MAGI2: variants seen among roughly 807,000 people sequenced by gnomAD.
MAGI2 encodes the protein membrane associated guanylate kinase, WW and PDZ domain containing 2.
MAGI2 carries 35 observed loss-of-function variants against 133.3 expected under a neutral mutation model. The ratio of observed to expected loss-of-function variants is 0.26; its 90% CI spans 0.20 to 0.35. MAGI2 has a LOEUF of 0.35. Ranked by LOEUF, MAGI2 falls within the 10% of genes least tolerant of loss-of-function variation. MAGI2 has a pLI of 1.00. For missense variants in MAGI2, 1,636 were observed against 1,863.4 expected (o/e 0.88, Z 2.25); for synonymous variants, 729 against 710.6 (o/e 1.03, Z -0.41).
At chr7:78,259,568 C>G (rs1296448361) in intron 9 of MAGI2, among the ~76,000 whole-genome samples, 3 of 152,122 alleles carry the variant, frequency 2.0e-5, no homozygotes, top group Admixed American at 1.3e-4. Context: ...AAAATCAGGA[C>G]AGTTCTACCC....
At chr7:78,373,951 A>G (rs1480739062) in intron 6 of MAGI2, among the ~76,000 whole-genome samples, 1 of 152,202 alleles carries the variant, frequency 6.6e-6, no homozygotes, top group Non-Finnish European at 1.5e-5. Context: ...GTGGCTGCAT[A>G]GTATTCCATG....
At chr7:78,648,243 G>A (rs1037450239) in intron 2 of MAGI2, among the ~76,000 whole-genome samples, 3 of 152,134 alleles carry the variant, frequency 2.0e-5, no homozygotes, top group South Asian at 4.1e-4. Flanking sequence ...ATTCTGTCAT[G>A]GTTCCCAACA....
In MAGI2 at chr7:79,018,228, G is replaced by A. The variant is rs565477951; in HGVS notation, c.302-11022C>T. On this transcript the variant is annotated intron_variant, in intron 1 of 21. Coordinates refer to ENST00000354212, the MANE Select transcript of MAGI2 (RefSeq NM_012301.4). Reference sequence around the variant, plus strand: ...GTCATCAGAAACCCTACAAGCAGAAGAGATTGGGGGAATTCAGCATTCTTA... The same window carrying A: ...GTCATCAGAAACCCTACAAGCAGAAAAGATTGGGGGAATTCAGCATTCTTA... Among the ~76,000 whole-genome samples, 27 of 152,084 alleles carry A rather than the reference G, an allele frequency of 1.8e-4. No individual in the cohort carries two copies. In the South Asian group the frequency reaches 3.7e-3, roughly 21 times the overall value.
At chr7:78,914,053 A>C (rs1467957248) in intron 2 of MAGI2, among the ~76,000 whole-genome samples, 4 of 152,186 alleles carry the variant, frequency 2.6e-5, no homozygotes, top group African/African-American at 9.6e-5. Context: ...AGAAAATTTA[A>C]GCATTTTGTT....
chr7:78,897,681 G>A (rs530074657), intron 2 of MAGI2, among the ~76,000 whole-genome samples: 2 of 152,280 alleles, frequency 1.3e-5, no homozygotes, highest in African/African-American at 4.8e-5. Flanking sequence ...GCCACTGGTA[G>A]TTTAATAGGA....
rs1170154729 is a variant in MAGI2, at chr7:78,887,739, CA to C, written c.418+119350del. Among the ~76,000 whole-genome samples, 9 of 152,212 alleles carry C rather than the reference CA, an allele frequency of 5.9e-5. No individual in the cohort carries two copies. The East Asian group carries it at 1.7e-3, about 29-fold the overall frequency. On this transcript the variant is annotated intron_variant, in intron 2 of 21. Transcript: ENST00000354212. ...GACTTACAGAGCACTTTAGAATTTC[CA>C]AATCAGGGTTGAGCCAAGATGGCCG...
intron 1 of MAGI2, among the ~76,000 whole-genome samples, chr7:79,367,265 G>A (rs1400093666): frequency 1.3e-5 from 2 of 152,176 alleles, no homozygotes; most frequent in African/African-American, 2.4e-5. Flanking sequence ...TAAACTAATG[G>A]GGTACATGAC....
At position 79,423,045 on chromosome 7, in the gene MAGI2, T is replaced by G. The variant is rs184919079; in HGVS notation, c.301+29975A>C. On this transcript the variant is annotated intron_variant, in intron 1 of 21. Transcript: ENST00000354212. ...GGTAGATAAATTCACAAGATTGCGT[T>G]ACATGGCTGCCCAATTAAATTATTG... Among the ~76,000 whole-genome samples the G allele has an allele frequency of 1.5e-3, 222 of 152,198 alleles. 2 individuals carry two copies. The highest frequency in any genetic ancestry group is 5.1e-3 in the African/African-American group (213 of 41,564).
intron 21 of MAGI2, among the ~76,000 whole-genome samples, chr7:78,029,409 C>T (rs1040307114): frequency 6.6e-6 from 1 of 152,166 alleles, no homozygotes; most frequent in Non-Finnish European, 1.5e-5. Flanking sequence ...ACCTTCTTCC[C>T]CTCAAATATT....
intron 2 of MAGI2, among the ~76,000 whole-genome samples, chr7:78,750,815 A>C (rs186678341): frequency 6.6e-6 from 1 of 152,344 alleles, no homozygotes; most frequent in East Asian, 1.9e-4. Flanking sequence ...AGGTTTCTAT[A>C]ATATGCTGAT....
chr7:79,267,614 G>A (rs1414892479), intron 1 of MAGI2, among the ~76,000 whole-genome samples: 1 of 152,154 alleles, frequency 6.6e-6, no homozygotes, highest in Non-Finnish European at 1.5e-5. Flanking sequence ...CATCTATACA[G>A]AAATCAAAAT....
At chr7:79,182,917 G>A (rs1826746262) in intron 1 of MAGI2, among the ~76,000 whole-genome samples, 1 of 151,892 alleles carries the variant, frequency 6.6e-6, no homozygotes, top group African/African-American at 2.4e-5. Flanking sequence ...ATGAAAACTG[G>A]AGGTTACGAG....
At chr7:78,367,092 T>C (rs891187171) in intron 7 of MAGI2, among the ~76,000 whole-genome samples, 2 of 56,324 alleles carry the variant, frequency 3.6e-5, no homozygotes, top group African/African-American at 7.2e-5. Context: ...AGAAGTATAA[T>C]GTAGGCAAAC....
intron 2 of MAGI2, among the ~76,000 whole-genome samples, chr7:78,872,811 TTTATG>T (rs1377794342): frequency 2.0e-5 from 3 of 151,216 alleles, no homozygotes; most frequent in East Asian, 3.9e-4. Context: ...AAGTATCTAT[TTTATG>T]TTATGTTATG....
chr7:78,775,549 T>C (rs1425210217), intron 2 of MAGI2, among the ~76,000 whole-genome samples: 1 of 152,044 alleles, frequency 6.6e-6, no homozygotes, highest in Non-Finnish European at 1.5e-5. Context: ...ACCTCTCCCT[T>C]CTTTCTCTAT....
chr7:79,228,590 G>A (rs1831081997), intron 1 of MAGI2, among the ~76,000 whole-genome samples: 1 of 152,004 alleles, frequency 6.6e-6, no homozygotes, highest in African/African-American at 2.4e-5. Context: ...TGGCTAACAT[G>A]ACACAAGCAC....
intron 2 of MAGI2, among the ~76,000 whole-genome samples, chr7:78,897,171 C>G (rs1486140240): frequency 6.6e-6 from 1 of 152,166 alleles, no homozygotes; most frequent in Non-Finnish European, 1.5e-5. Context: ...TCATATTTAT[C>G]TAATTTCATG....
chr7:78,386,311 G>T (rs926735280), intron 6 of MAGI2, among the ~76,000 whole-genome samples: 2 of 152,076 alleles, frequency 1.3e-5, no homozygotes, highest in South Asian at 2.1e-4. Context: ...AGCATGCATC[G>T]CATTACTACT....
intron 1 of MAGI2, among the ~76,000 whole-genome samples, chr7:79,055,011 T>C (rs1359811387): frequency 2.0e-5 from 3 of 152,174 alleles, no homozygotes; most frequent in Admixed American, 2.0e-4. Context: ...CAGGCTGATC[T>C]CGAACTCCTG....
Sources: allele counts gnomAD v4.1 joint callset (sites outside exome capture counted in the v4.1 genomes callset), GRCh38; gene constraint gnomAD v4.1.1; transcripts MANE v1.5; gene names NCBI Gene and HGNC (gene_info 2026-07-23, HGNC 2026-07-21).